Variants in FGD4 observed in about 807,000 individuals in gnomAD.
FGD4 encodes FYVE, RhoGEF and PH domain-containing protein 4.
A neutral mutation model predicts 102.0 loss-of-function variants in FGD4; 42 were observed. The observed-to-expected ratio is 0.41, with a 90% confidence interval of 0.32 to 0.53. The LOEUF (loss-of-function observed/expected upper bound fraction) is 0.53. Among genes scored for constraint, FGD4 ranks in the 20% least tolerant of loss-of-function variants. The pLI is 0.21. For synonymous variants in FGD4, 380 were observed against 375.7 expected (o/e 1.01, Z -0.13); for missense variants, 902 against 1,078.2 (o/e 0.84, Z 2.29).
intron 1 of FGD4, among the ~76,000 whole-genome samples, chr12:32,510,071 A>T (rs1939199475): frequency 6.6e-6 from 1 of 152,224 alleles, no homozygotes; most frequent in Non-Finnish European, 1.5e-5. Context: ...ATAGAGTACA[A>T]CTACTACATT....
intron 15 of FGD4, among the ~76,000 whole-genome samples, chr12:32,635,536 A>G (rs1010272825): frequency 2.6e-5 from 4 of 152,180 alleles, no homozygotes; most frequent in Admixed American, 1.3e-4. Flanking sequence ...ACCAACTAGT[A>G]TGTTATATGC....
At chr12:32,605,924 C>T (rs545517229) in intron 7 of FGD4, among the ~76,000 whole-genome samples, 2 of 152,318 alleles carry the variant, frequency 1.3e-5, no homozygotes, top group African/African-American at 4.8e-5. Context: ...TGTCTAGTCA[C>T]ACTCTGAATT....
At chr12:32,469,984 G>A (rs1179826661) in intron 1 of FGD4, among the ~76,000 whole-genome samples, 1 of 152,076 alleles carries the variant, frequency 6.6e-6, no homozygotes, top group Non-Finnish European at 1.5e-5. Context: ...TAATAGACTT[G>A]TGGGTTGATA....
intron 1 of FGD4, chr12:32,534,257 G>A: frequency 3.1e-6 from 4 of 1,275,310 alleles, no homozygotes; most frequent in Non-Finnish European, 4.0e-6. Context: ...CGTCCTCTGG[G>A]GAGGTGTGGC....
chr12:32,544,269 A>G lies in FGD4; in HGVS notation c.167-19868A>G, dbSNP rs1226363765. On this transcript the variant is annotated intron_variant, in intron 1 of 16. Transcript: ENST00000534526. The surrounding 1 kb of genome is among the most constrained non-coding windows in gnomAD (Gnocchi z 4.1). The stretch of plus-strand genomic sequence containing the variant: ...GGTGAAACAAAAAATGTCTCTACAA[A>G]AAATGCAAAAATGAGCTGGGCGTGG... Among the ~76,000 whole-genome samples the G allele has an allele frequency of 6.6e-6, 1 of 152,102 alleles. No individual in the cohort carries two copies. Among genetic ancestry groups the G allele is most frequent in the Non-Finnish European group, 1.5e-5 (1 of 68,012 alleles).
intron 1 of FGD4, among the ~76,000 whole-genome samples, chr12:32,417,351 ATTTT>A (rs1009485263): frequency 6.7e-6 from 1 of 150,266 alleles, no homozygotes; most frequent in African/African-American, 2.4e-5. Context: ...TCTAGGGTAA[ATTTT>A]TTTTTTCTTC....
chr12:32,410,927 T>C (rs890966539), intron 1 of FGD4, among the ~76,000 whole-genome samples: 3 of 143,012 alleles, frequency 2.1e-5, no homozygotes, highest in Admixed American at 6.7e-5. Context: ...ACTCTTTTTT[T>C]TTTCTTTTTT....
chr12:32,538,606 T>G (rs910201361), intron 1 of FGD4, among the ~76,000 whole-genome samples: 1 of 152,156 alleles, frequency 6.6e-6, no homozygotes, highest in Admixed American at 6.5e-5. Flanking sequence ...TTGGAATCTG[T>G]GGCTGAGCCC....
At chr12:32,450,263 T>G (rs1310523706) in intron 1 of FGD4, among the ~76,000 whole-genome samples, 1 of 151,934 alleles carries the variant, frequency 6.6e-6, no homozygotes, top group Non-Finnish European at 1.5e-5. Context: ...GTGGAGACAG[T>G]GTCTTGCCAT....
At chr12:32,600,895 CAT>C (rs1337543261) in intron 5 of FGD4, among the ~76,000 whole-genome samples, 4 of 152,142 alleles carry the variant, frequency 2.6e-5, no homozygotes, top group African/African-American at 9.6e-5. Context: ...TCTTTCGAAA[CAT>C]AAAGAGAAGT....
chr12:32,586,072 CAG>C (rs769100900), intron 4 of FGD4, among the ~76,000 whole-genome samples: 7 of 151,990 alleles, frequency 4.6e-5, no homozygotes, highest in Non-Finnish European at 8.8e-5. Context: ...ACTGCATAAT[CAG>C]AGGTCAGAAT....
intron 7 of FGD4, among the ~76,000 whole-genome samples, chr12:32,605,895 T>C (rs564327808): frequency 6.6e-6 from 1 of 151,910 alleles, no homozygotes; most frequent in African/African-American, 2.4e-5. Flanking sequence ...GTGGCGATGG[T>C]GGTGATAGTG....
intron 1 of FGD4, among the ~76,000 whole-genome samples, chr12:32,529,857 T>A (rs199885646): frequency 2.4e-4 from 31 of 131,668 alleles, no homozygotes; most frequent in South Asian, 5.1e-4. Context: ...AAAAAAAAAA[T>A]TTAAAAAAAA....
chr12:32,610,370 T>C (rs1199893572), intron 8 of FGD4, among the ~76,000 whole-genome samples: 1 of 152,202 alleles, frequency 6.6e-6, no homozygotes, highest in Non-Finnish European at 1.5e-5. Flanking sequence ...GAATTTTTGT[T>C]TACATTTTGG....
intron 1 of FGD4, 102 bp from the exon 2 acceptor site, chr12:32,564,035 G>A (rs1225999447): frequency 2.8e-6 from 3 of 1,060,848 alleles, no homozygotes; most frequent in South Asian, 3.3e-5. Flanking sequence ...GAGGGAGGGG[G>A]AGGGGGAGGG....
At position 32,644,451 on chromosome 12, in the gene FGD4, A is replaced by G. The variant is rs1432289162; in HGVS notation, c.*3918A>G. The G allele has an allele frequency of 1.3e-5, 2 of 150,216 alleles. No individual in the cohort carries two copies. The highest frequency in any genetic ancestry group is 1.9e-4 in the East Asian group (1 of 5,198). The allele number at this position is 150,216 out of a possible 1,614,324, so 9.3% of individuals were successfully genotyped here. On this transcript the variant is annotated 3_prime_UTR_variant, in exon 17 of 17. Coordinates refer to ENST00000534526, the MANE Select transcript of FGD4 (RefSeq NM_001370298.3). ...TGTTGATTTGCAATTCTGTCTTTCC[A>G]TAGAAATGAACTTTTTCTATCGAAA...
intron 1 of FGD4, among the ~76,000 whole-genome samples, chr12:32,409,972 C>G (rs1291096286): frequency 1.3e-5 from 2 of 149,586 alleles, no homozygotes; most frequent in Admixed American, 6.7e-5. Flanking sequence ...TCAAAATCAG[C>G]CTGGGTAACG....
At chr12:32,633,081 G>T (rs1035269599) in intron 14 of FGD4, among the ~76,000 whole-genome samples, 1 of 150,264 alleles carries the variant, frequency 6.7e-6, no homozygotes, top group Non-Finnish European at 1.5e-5. Flanking sequence ...AAATCAGCGG[G>T]ACTTTGTAAA....
At chr12:32,435,067 C>A (rs576894272) in intron 1 of FGD4, among the ~76,000 whole-genome samples, 179 of 152,188 alleles carry the variant, frequency 1.2e-3, no homozygotes, top group African/African-American at 4.2e-3. Flanking sequence ...TCTCAGCCTC[C>A]CGAGTAGCTG....
Sources: gnomAD v4.1 joint callset for allele counts (sites outside exome capture counted in the v4.1 genomes callset) on GRCh38, gnomAD v4.1.1 for gene constraint, Gnocchi (gnomAD v3.1) non-coding constraint, MANE v1.5 for transcripts, NCBI Gene and HGNC (gene_info 2026-07-23, HGNC 2026-07-21) for gene names.